The following GRID2 variants were observed in gnomAD, a reference collection of about 807,000 sequenced individuals.
GRID2 encodes the protein glutamate receptor ionotropic, delta-2.
Under a neutral mutation model 114.8 loss-of-function variants are expected in GRID2, and 33 were observed. The ratio of observed to expected loss-of-function variants is 0.29; its 90% CI spans 0.22 to 0.38. The LOEUF is 0.38. Ranked by LOEUF, GRID2 falls within the 10% of genes least tolerant of loss-of-function variation. The pLI is 1.00. For synonymous variants in GRID2, 505 were observed against 449.9 expected (o/e 1.12, Z -1.55); for missense variants, 1,184 against 1,257.7 (o/e 0.94, Z 0.89).
At chr4:93,119,829 C>T (rs1733615609) in intron 4 of GRID2, among the ~76,000 whole-genome samples, 2 of 152,182 alleles carry the variant, frequency 1.3e-5, no homozygotes. Flanking sequence ...TACAGAATGA[C>T]TCCCACTCAT....
intron 7 of GRID2, among the ~76,000 whole-genome samples, chr4:93,227,627 T>C (rs1345521534): frequency 6.6e-6 from 1 of 152,214 alleles, no homozygotes; most frequent in African/African-American, 2.4e-5. Flanking sequence ...AAGTCGTTTA[T>C]TTTTCTCACA....
chr4:93,494,744 C>T (rs151136329), intron 12 of GRID2, among the ~76,000 whole-genome samples: 1 of 151,620 alleles, frequency 6.6e-6, no homozygotes, highest in Non-Finnish European at 1.5e-5. Flanking sequence ...ACAATTTGGG[C>T]TTTTTCATTC....
At chr4:93,497,814 T>C (rs956340440) in intron 12 of GRID2, among the ~76,000 whole-genome samples, 1 of 151,858 alleles carries the variant, frequency 6.6e-6, no homozygotes, top group African/African-American at 2.4e-5. Context: ...GCTATTTTAG[T>C]TCCTTTGTCT....
chr4:93,459,074 G>A (rs902526816), intron 11 of GRID2, among the ~76,000 whole-genome samples: 2 of 150,706 alleles, frequency 1.3e-5, no homozygotes, highest in South Asian at 2.1e-4. Flanking sequence ...CAGCTACTCA[G>A]GAGGCTGAGG....
At position 93,171,774 on chromosome 4, in the gene GRID2, G is replaced by A. The variant is rs76232160; in HGVS notation, c.736-35630G>A. ...AATAAAAGAAATAATGCTCAGTATC[G>A]CTCAATGATTTACTTAGCATTATAT... On this transcript the variant is annotated intron_variant, in intron 4 of 15. Coordinates refer to ENST00000282020, the MANE Select transcript of GRID2 (RefSeq NM_001510.4). Among the ~76,000 whole-genome samples the A allele has an allele frequency of 8.2e-4, 124 of 152,122 alleles. 1 individual carries two copies. In the East Asian group the frequency reaches 0.021, roughly 25 times the overall value.
intron 2 of GRID2, among the ~76,000 whole-genome samples, chr4:92,768,606 A>G (rs767236865): frequency 1.1e-4 from 16 of 152,334 alleles, no homozygotes; most frequent in East Asian, 7.7e-4. Context: ...AATTTACAAA[A>G]TAAAGAGGTT....
intron 1 of GRID2, among the ~76,000 whole-genome samples, chr4:92,321,428 G>C (rs1242581899): frequency 6.6e-6 from 1 of 152,200 alleles, no homozygotes; most frequent in East Asian, 1.9e-4. Context: ...CGTAAGCCAA[G>C]TGTTCTTTCT....
intron 2 of GRID2, among the ~76,000 whole-genome samples, chr4:92,782,170 A>G (rs995419070): frequency 6.6e-6 from 1 of 152,052 alleles, no homozygotes; most frequent in Non-Finnish European, 1.5e-5. Flanking sequence ...CAAAGGGCTG[A>G]CAGTAATACT....
intron 1 of GRID2, among the ~76,000 whole-genome samples, chr4:92,464,355 C>T (rs1288437552): frequency 1.3e-5 from 2 of 152,002 alleles, no homozygotes; most frequent in African/African-American, 4.8e-5. Flanking sequence ...GACTTCACAC[C>T]ATCTCAGTTC....
At chr4:93,398,952 T>G (rs761907330) in intron 9 of GRID2, among the ~76,000 whole-genome samples, 21 of 152,092 alleles carry the variant, frequency 1.4e-4, no homozygotes, top group Non-Finnish European at 2.6e-4. Flanking sequence ...AAGTGCCTTT[T>G]CAGGTCTAGC....
At chr4:93,262,424 T>C (rs1443329376) in intron 8 of GRID2, among the ~76,000 whole-genome samples, 1 of 151,944 alleles carries the variant, frequency 6.6e-6, no homozygotes, top group Non-Finnish European at 1.5e-5. Flanking sequence ...ATATTAAGGA[T>C]TGTGGCCCAA....
chr4:93,257,184 T>C (rs1398722302), intron 8 of GRID2, among the ~76,000 whole-genome samples: 1 of 151,850 alleles, frequency 6.6e-6, no homozygotes, highest in Non-Finnish European at 1.5e-5. Context: ...ATCTTGTTTA[T>C]CTGATTTACT....
chr4:93,193,687 G>A (rs1741212160), intron 4 of GRID2, among the ~76,000 whole-genome samples: 1 of 152,132 alleles, frequency 6.6e-6, no homozygotes, highest in African/African-American at 2.4e-5. Flanking sequence ...TTTGTATTCT[G>A]ACATGAGTAA....
At chr4:92,761,148 T>G (rs537615589) in intron 2 of GRID2, among the ~76,000 whole-genome samples, 2 of 152,272 alleles carry the variant, frequency 1.3e-5, no homozygotes, top group South Asian at 2.1e-4. Flanking sequence ...TGGGATTGAC[T>G]TTCTGTCTGC....
chr4:93,412,235 C>G (rs548054125), intron 9 of GRID2, among the ~76,000 whole-genome samples: 14 of 151,026 alleles, frequency 9.3e-5, no homozygotes, highest in East Asian at 4.1e-4. Flanking sequence ...CCCATCCCCC[C>G]CCCCCAAAAA....
chr4:92,618,228 G>T (rs1412780727), intron 2 of GRID2, among the ~76,000 whole-genome samples: 2 of 151,534 alleles, frequency 1.3e-5, no homozygotes, highest in African/African-American at 4.8e-5. Context: ...TCTGCCTATG[G>T]ATATCCAGTT....
chr4:93,220,481 A>G (rs1183046126), intron 6 of GRID2, among the ~76,000 whole-genome samples: 1 of 152,168 alleles, frequency 6.6e-6, no homozygotes, highest in Non-Finnish European at 1.5e-5. Context: ...TCTCATTATT[A>G]CCTTTAAAAG....
chr4:93,245,820 TTA>T (rs1273604117), intron 8 of GRID2, among the ~76,000 whole-genome samples: 1 of 152,172 alleles, frequency 6.6e-6, no homozygotes, highest in African/African-American at 2.4e-5. Flanking sequence ...TTAATTGAAA[TTA>T]TGTTTGTAGG....
chr4:93,398,133 G>GTGTGTGTGTGTGTATATATATATATATA, intron 9 of GRID2, among the ~76,000 whole-genome samples: 7 of 122,336 alleles, frequency 5.7e-5, no homozygotes, highest in Non-Finnish European at 1.1e-4. Context: ...ATGTGTGTGT[G>GTGTGTGTGTGTGTATATATATATATATA]TATATATATA....
Sources: allele counts gnomAD v4.1 joint callset (sites outside exome capture counted in the v4.1 genomes callset), GRCh38; gene constraint gnomAD v4.1.1; transcripts MANE v1.5; gene names NCBI Gene and HGNC (gene_info 2026-07-23, HGNC 2026-07-21).